Variants in RABL2A observed in about 807,000 individuals in gnomAD.
The protein encoded by RABL2A is RAB, member of RAS oncogene family like 2A, also known as rab-like protein 2A.
A neutral mutation model predicts 30.7 loss-of-function variants in RABL2A; 17 were observed. That is an observed-to-expected ratio of 0.55 (90% CI 0.38 to 0.83). The LOEUF (loss-of-function observed/expected upper bound fraction) is 0.83, where lower values mean the gene tolerates loss of function less well. RABL2A is among the 40% of genes least tolerant of loss of function. RABL2A has a pLI of 0.00. For synonymous variants in RABL2A, 64 were observed against 101.8 expected (o/e 0.63, Z 2.24); for missense variants, 155 against 272.6 (o/e 0.57, Z 3.04).
intron 5 of RABL2A, chr2:113,635,456 C>G (rs1475335394): frequency 4.9e-6 from 2 of 408,912 alleles, no homozygotes; most frequent in Admixed American, 3.6e-5. Flanking sequence ...AGACAAGCTC[C>G]CAAGGCCTCC....
chr2:113,630,472 C>T (rs1282603948), intron 2 of RABL2A, among the ~76,000 whole-genome samples: 1 of 151,850 alleles, frequency 6.6e-6, no homozygotes, highest in African/African-American at 2.4e-5. Flanking sequence ...AAGACCCTGT[C>T]TCAAAAAAAA....
intron 6 of RABL2A, 169 bp downstream of exon 6, chr2:113,641,174 A>C (rs1195375789): frequency 1.1e-5 from 11 of 989,138 alleles, no homozygotes; most frequent in Non-Finnish European, 1.6e-5. Flanking sequence ...TAAAGAAGCC[A>C]GCTAAGCCGA....
intron 2 of RABL2A, among the ~76,000 whole-genome samples, chr2:113,629,477 G>C (rs532669559): frequency 2.0e-5 from 3 of 148,868 alleles, no homozygotes; most frequent in African/African-American, 7.4e-5. Context: ...TGAATTCTCT[G>C]TCTCTCTCTC....
At position 113,642,993 on chromosome 2, in the gene RABL2A, A is replaced by G. The variant is rs1685697994; in HGVS notation, c.*864A>G. ...ATTCATTCCAGATTTCCGTGTACCC[A>G]CTCTGTTTCAGGAGCTCTTCTAGGT... On this transcript the variant is annotated 3_prime_UTR_variant, in exon 9 of 9. Transcript: ENST00000683472. 3.4e-5 allele frequency: 12 copies of G among 355,558 alleles called. No homozygotes were observed. Among genetic ancestry groups the G allele is most frequent in the South Asian group, 2.5e-4 (12 of 48,268 alleles). The allele number at this position is 355,558 out of a possible 1,614,324, so 22.0% of individuals were successfully genotyped here. A position where few individuals can be genotyped will look rare whatever the true frequency, so the allele number is the denominator to read the frequency against.
At chr2:113,630,283 G>A (rs1378042221) in intron 2 of RABL2A, among the ~76,000 whole-genome samples, 3 of 152,338 alleles carry the variant, frequency 2.0e-5, no homozygotes, top group East Asian at 3.9e-4. Context: ...CTGAGGGAAG[G>A]TGAGTGCATG....
rs140574993 is a variant in RABL2A at position 113,634,207 on chromosome 2, G to A, written c.192G>A (p.Thr64=). 274 of 1,612,962 alleles carry A rather than the reference G, an allele frequency of 1.7e-4. No individual in the cohort carries two copies. In the African/African-American group the frequency reaches 3.2e-3, roughly 19 times the overall value. The part of the protein sequence containing the change: ...YALTLYKHTA[T]VDGKTILVDF... Reference sequence around the variant, plus strand: ...TGACCCTGTACAAGCACACAGCCACGGTAGATGGCAAGACCATCCTTGTGG... The same window carrying A: ...TGACCCTGTACAAGCACACAGCCACAGTAGATGGCAAGACCATCCTTGTGG... Residue 64 remains threonine (T), a synonymous_variant, in exon 4 of 9, where the codon ACG becomes ACA. Coordinates refer to ENST00000683472, the MANE Select transcript of RABL2A (RefSeq NM_001306158.2).
intron 5 of RABL2A, among the ~76,000 whole-genome samples, chr2:113,638,806 A>G (rs1295106956): frequency 2.6e-5 from 4 of 151,950 alleles, no homozygotes; most frequent in African/African-American, 9.7e-5. Flanking sequence ...GAATCGTTTG[A>G]ACCCAGGAGG....
In RABL2A at chr2:113,635,151, G is replaced by T. The variant is rs1253525314; in HGVS notation, c.297+21G>T. 7.4e-6 allele frequency: 12 copies of T among 1,613,844 alleles called. No homozygotes were observed. In the African/African-American group the frequency reaches 1.6e-4, roughly 22 times the overall value. On this transcript the variant is annotated intron_variant, in intron 5 of 8. Transcript: ENST00000683472. ...TCATGGTACGAGACGGTGGGGAGGT[G>T]GACAAAGGCACTGGGCAAGTCTGGC...
chr2:113,640,374 G>A (rs376742665), intron 5 of RABL2A: 1 of 157,946 alleles, frequency 6.3e-6, no homozygotes, highest in Non-Finnish European at 1.4e-5. Flanking sequence ...AAAGGAATAC[G>A]TTATTTATTT....
intron 2 of RABL2A, among the ~76,000 whole-genome samples, chr2:113,629,828 G>A (rs1472447930): frequency 3.3e-5 from 5 of 152,052 alleles, no homozygotes; most frequent in South Asian, 2.1e-4. Flanking sequence ...ATGAGCCACC[G>A]CGCCCGGCCT....
intron 6 of RABL2A, 29 bp from the exon 7 acceptor site, chr2:113,641,324 C>T (rs377194003): frequency 2.7e-5 from 44 of 1,614,022 alleles, no homozygotes; most frequent in Non-Finnish European, 3.6e-5. Context: ...CTTCCCTTGA[C>T]AGACCAATGT....
intron 7 of RABL2A, 115 bp from the exon 8 acceptor site, chr2:113,641,666 G>T (rs1028271143): frequency 8.0e-6 from 5 of 623,966 alleles, no homozygotes; most frequent in African/African-American, 7.9e-5. Flanking sequence ...GCAAATGGAG[G>T]GGTAAGGTTG....
At chr2:113,630,411 G>A (rs1416794611) in intron 2 of RABL2A, among the ~76,000 whole-genome samples, 1 of 152,214 alleles carries the variant, frequency 6.6e-6, no homozygotes, top group Non-Finnish European at 1.5e-5. Flanking sequence ...TGACACATCA[G>A]GCTGTGGTGA....
At chr2:113,636,760 G>A (rs544179367) in intron 5 of RABL2A, among the ~76,000 whole-genome samples, 115 of 152,210 alleles carry the variant, frequency 7.6e-4, no homozygotes, top group African/African-American at 2.6e-3. Flanking sequence ...TGGCCGAGGC[G>A]GGCGGATCAC....
chr2:113,641,902 C>T (rs13391977), intron 8 of RABL2A, 38 bp downstream of exon 8: 120,845 of 1,382,234 alleles, frequency 0.087, 5,666 homozygotes, highest in Non-Finnish European at 0.095. Context: ...ATGGAAGAAA[C>T]GGCTCCTCTT....
intron 4 of RABL2A, chr2:113,634,535 C>T (rs554710795): frequency 2.1e-5 from 10 of 478,600 alleles, no homozygotes; most frequent in Admixed American, 1.4e-4. Context: ...AAGAGGCCTT[C>T]GACGAGGCAG....
In RABL2A at chr2:113,642,463, G is replaced by GT. The variant is rs1298198050; in HGVS notation, c.*340dup. 2.1e-4 allele frequency: 77 copies of GT among 358,234 alleles called. No individual in the cohort carries two copies. Among genetic ancestry groups the GT allele is most frequent in the Non-Finnish European group, 3.3e-4 (64 of 194,254 alleles). 22.2% of individuals were successfully genotyped at this position (358,234 alleles called of 1,614,324 possible). On this transcript the variant is annotated 3_prime_UTR_variant, in exon 9 of 9. Coordinates refer to ENST00000683472, the MANE Select transcript of RABL2A (RefSeq NM_001306158.2). The stretch of plus-strand genomic sequence containing the variant: ...TCACTTTAATACAGGAAATTTAGGT[G>GT]TTTTTTGGTGTTTTTGTTTTTGTTT...
chr2:113,640,427 G>A (rs1004690866), intron 5 of RABL2A: 8 of 175,886 alleles, frequency 4.5e-5, no homozygotes, highest in African/African-American at 7.2e-5. Context: ...CCAGGCTGGA[G>A]TGCAATGGCA....
rs75661355 is a variant in RABL2A, at chr2:113,642,672, C to T, written c.*543C>T. 0.11 allele frequency: 21,535 copies of T among 199,658 alleles called. 1,505 individuals are homozygous for T. The highest frequency in any genetic ancestry group is 0.17 in the East Asian group (1,075 of 6,252). 12.4% of individuals were successfully genotyped at this position (199,658 alleles called of 1,614,324 possible). On this transcript the variant is annotated 3_prime_UTR_variant, in exon 9 of 9. Transcript: ENST00000683472. ...CTTTGTTCGTCCTGAGACGGAGTCT[C>T]GCTCTGTCGCCAGGCTGGAGTGCAG...
Sources: gnomAD v4.1 joint callset for allele counts (sites outside exome capture counted in the v4.1 genomes callset) on GRCh38, gnomAD v4.1.1 for gene constraint, MANE v1.5 for transcripts, NCBI Gene and HGNC (gene_info 2026-07-23, HGNC 2026-07-21) for gene names.